The following FANCC variants were observed in gnomAD, a reference collection of about 807,000 sequenced individuals.
FANCC encodes Fanconi anemia group C protein.
Under a neutral mutation model 71.3 loss-of-function variants are expected in FANCC, and 55 were observed. The ratio of observed to expected loss-of-function variants is 0.77; its 90% CI spans 0.62 to 0.97. The LOEUF (loss-of-function observed/expected upper bound fraction) is 0.97, where lower values mean the gene tolerates loss of function less well. FANCC is among the 50% of genes least tolerant of loss of function. FANCC has a pLI of 0.00. For synonymous variants in FANCC, 275 were observed against 244.9 expected, an observed-to-expected ratio of 1.12 and a Z score of -1.15; for missense variants, 678 against 670.9, an observed-to-expected ratio of 1.01 and a Z score of -0.12.
intron 4 of FANCC, among the ~76,000 whole-genome samples, chr9:95,179,646 C>T (rs887994565): frequency 2.6e-5 from 4 of 152,088 alleles, no homozygotes; most frequent in African/African-American, 7.3e-5. Flanking sequence ...CATGCCCAGC[C>T]GGTATTCTAT....
At chr9:95,176,083 C>A (rs1825996896) in intron 4 of FANCC, among the ~76,000 whole-genome samples, 1 of 152,162 alleles carries the variant, frequency 6.6e-6, no homozygotes, top group Admixed American at 6.5e-5. Flanking sequence ...CTGTTCTAAG[C>A]CAATTACAAA....
intron 13 of FANCC, 190 bp from the exon 14 acceptor site, chr9:95,107,459 T>C (rs2071541102): frequency 3.0e-6 from 2 of 660,588 alleles, no homozygotes; most frequent in Non-Finnish European, 5.3e-6. Flanking sequence ...GGAAATTTCT[T>C]GACTTTCTTT....
At chr9:95,293,594 T>C in intron 1 of FANCC, 1 of 1,614,232 alleles carries the variant, frequency 6.2e-7, no homozygotes. Flanking sequence ...CAGATCTGTC[T>C]TATGCCTCAC....
At chr9:95,202,695 T>C (rs1475434444) in intron 4 of FANCC, among the ~76,000 whole-genome samples, 2 of 152,180 alleles carry the variant, frequency 1.3e-5, no homozygotes. Flanking sequence ...AAACTAAAAA[T>C]AGAAAGTGTG....
At chr9:95,303,727 C>T (rs1834895611) in intron 1 of FANCC, among the ~76,000 whole-genome samples, 1 of 152,186 alleles carries the variant, frequency 6.6e-6, no homozygotes, top group African/African-American at 2.4e-5. Context: ...TAGGACCCCA[C>T]CGGTATGACT....
chr9:95,293,156 G>C (rs56341034), intron 1 of FANCC: 2 of 1,613,048 alleles, frequency 1.2e-6, no homozygotes, highest in Non-Finnish European at 8.5e-7. Context: ...GAAGACTCTT[G>C]TGGCTCTAAC....
chr9:95,273,901 A>T (rs1202301988), intron 1 of FANCC, among the ~76,000 whole-genome samples: 1 of 152,228 alleles, frequency 6.6e-6, no homozygotes, highest in Non-Finnish European at 1.5e-5. Context: ...TGGCATATGC[A>T]TAGAGGAACT....
chr9:95,106,112 C>T (rs548933880), intron 14 of FANCC, among the ~76,000 whole-genome samples: 7 of 152,334 alleles, frequency 4.6e-5, no homozygotes, highest in East Asian at 3.9e-4. Context: ...CCGGTTCCCA[C>T]GCATCCTCAC....
At chr9:95,154,987 C>T (rs1830374784) in intron 6 of FANCC, among the ~76,000 whole-genome samples, 1 of 151,624 alleles carries the variant, frequency 6.6e-6, no homozygotes, top group Non-Finnish European at 1.5e-5. Flanking sequence ...GGGTGGACTG[C>T]TTCAGCCCAG....
chr9:95,195,219 A>C (rs970572391), intron 4 of FANCC, among the ~76,000 whole-genome samples: 13 of 148,010 alleles, frequency 8.8e-5, no homozygotes, highest in Non-Finnish European at 1.5e-4. Context: ...AAAAAAAAAA[A>C]AACCAACTAT....
chr9:95,215,396 G>C (rs1461681238), intron 4 of FANCC, among the ~76,000 whole-genome samples: 3 of 152,104 alleles, frequency 2.0e-5, no homozygotes, highest in Non-Finnish European at 4.4e-5. Context: ...GATAGGGAGA[G>C]AGAGTGAGGA....
chr9:95,207,680 T>C (rs994454619), intron 4 of FANCC, among the ~76,000 whole-genome samples: 3 of 152,148 alleles, frequency 2.0e-5, no homozygotes, highest in Admixed American at 6.5e-5. Context: ...TGCCTTCTCA[T>C]TGACAGTGTT....
chr9:95,242,040 T>G (rs1463497344), intron 3 of FANCC, among the ~76,000 whole-genome samples: 2 of 152,210 alleles, frequency 1.3e-5, no homozygotes, highest in African/African-American at 4.8e-5. Context: ...TGTATTTTTA[T>G]CCACAAACTA....
intron 13 of FANCC, among the ~76,000 whole-genome samples, chr9:95,110,007 A>G (rs1033286061): frequency 6.6e-6 from 1 of 152,228 alleles, no homozygotes; most frequent in Admixed American, 6.5e-5. Context: ...AGTCACCAAC[A>G]TGAGCACTGG....
intron 4 of FANCC, among the ~76,000 whole-genome samples, chr9:95,217,664 T>G (rs988529727): frequency 8.6e-5 from 13 of 151,734 alleles, no homozygotes; most frequent in African/African-American, 3.1e-4. Flanking sequence ...ATGGTGTAAA[T>G]AAAGAAAGGT....
Position 95,244,678 on chromosome 9 carries a change from CAAAAAAAAAAAAA to C in FANCC, c.250+2741_250+2753del, listed in dbSNP as rs576605250. On this transcript the variant is annotated intron_variant, in intron 3 of 14. Transcript: ENST00000289081. The stretch of plus-strand genomic sequence containing the variant: ...TAGGCAACAGAGCAAGACTTTGTCT[CAAAAAAAAAAAAA>C]AAAAAAAAAAAAAAAAAAAAAACCC... 4.2e-3 allele frequency among the ~76,000 whole-genome samples: 175 copies of C among 41,588 alleles called. 4 individuals are homozygous for C. In the East Asian group the frequency reaches 0.13, roughly 31 times the overall value. The allele number at this position is 41,588 out of a possible 152,430, so 27.3% of individuals were successfully genotyped here.
At chr9:95,254,803 A>C (rs1031076983) in intron 1 of FANCC, among the ~76,000 whole-genome samples, 3 of 152,188 alleles carry the variant, frequency 2.0e-5, no homozygotes, top group African/African-American at 7.2e-5. Context: ...ACTCCCAAGG[A>C]GCCCAGCAAG....
intron 1 of FANCC, among the ~76,000 whole-genome samples, chr9:95,259,445 G>A (rs1831884610): frequency 2.6e-5 from 4 of 152,166 alleles, no homozygotes; most frequent in Admixed American, 2.6e-4. Context: ...AATGGGAAAA[G>A]GATCCCCTAT....
At chr9:95,208,996 A>C (rs1404473983) in intron 4 of FANCC, among the ~76,000 whole-genome samples, 1 of 152,180 alleles carries the variant, frequency 6.6e-6, no homozygotes, top group Non-Finnish European at 1.5e-5. Flanking sequence ...TAATTCCAAA[A>C]CTTGAAAGCA....
Sources: gnomAD v4.1 joint callset for allele counts (sites outside exome capture counted in the v4.1 genomes callset) on GRCh38, gnomAD v4.1.1 for gene constraint, MANE v1.5 for transcripts, NCBI Gene and HGNC (gene_info 2026-07-23, HGNC 2026-07-21) for gene names.